The following PHF2 variants were observed in gnomAD, a reference collection of about 807,000 sequenced individuals.
The protein encoded by PHF2 is PHD finger protein 2.
PHF2 carries 27 observed loss-of-function variants against 120.5 expected under a neutral mutation model. The observed-to-expected ratio is 0.22, with a 90% confidence interval of 0.17 to 0.31. PHF2 has a LOEUF of 0.31. Ranked by LOEUF, PHF2 falls within the 10% of genes least tolerant of loss-of-function variation. The probability of loss-of-function intolerance (pLI) is 1.00; values close to 1 mark genes in which losing one functional copy is unlikely to be tolerated. For missense variants in PHF2, 1,024 were observed against 1,434.8 expected (o/e 0.71, Z 4.63); for synonymous variants, 568 against 592.5 (o/e 0.96, Z 0.60).
At position 93,654,515 on chromosome 9, in the gene PHF2, C is replaced by G; in HGVS notation, c.892C>G (p.Gln298Glu). The change falls in exon 7 of 22, where the codon CAG becomes GAG. Residue 298 changes from glutamine (Q) to glutamate (E), a missense_variant. This residue lies in a region of PHF2 where 347 missense variants were observed against 577.4 expected (regional missense o/e 0.60). Coordinates refer to ENST00000359246, the MANE Select transcript of PHF2 (RefSeq NM_005392.4). ...CCACAGCGAGATGTTCTTTGCTGAC[C>G]AGGTCGACAAATGCTACAAGTGCAT... ...SNHSEMFFAD[Q>E]VDKCYKCIVK... 1.2e-6 allele frequency: 2 copies of G among 1,614,094 alleles called. No homozygotes were observed. The highest frequency in any genetic ancestry group is 1.7e-6 in the Non-Finnish European group (2 of 1,180,032).
rs898243744 is a variant in PHF2 at position 93,630,169 on chromosome 9, C to T, written c.184+114C>T. On this transcript the variant is annotated intron_variant, in intron 2 of 21. Transcript: ENST00000359246. Reference sequence around the variant, plus strand: ...GGCCTGGGCCCTGGGTTGCTGGGGGCAAAACGCCCTGAGTAGTGTCTAGGC... The same window carrying T: ...GGCCTGGGCCCTGGGTTGCTGGGGGTAAAACGCCCTGAGTAGTGTCTAGGC... The T allele has an allele frequency of 2.8e-5, 28 of 1,004,536 alleles. No individual in the cohort carries two copies. The East Asian group carries it at 6.2e-4, about 22-fold the overall frequency. The allele number at this position is 1,004,536 out of a possible 1,614,324, so 62.2% of individuals were successfully genotyped here. A position where few individuals can be genotyped will look rare whatever the true frequency, so the allele number is the denominator to read the frequency against.
chr9:93,592,507 A>C (rs1319416239), intron 1 of PHF2, among the ~76,000 whole-genome samples: 1 of 152,158 alleles, frequency 6.6e-6, no homozygotes, highest in Admixed American at 6.5e-5. Context: ...AGAGTGTTTC[A>C]TGGCAGTTCC....
intron 17 of PHF2, among the ~76,000 whole-genome samples, chr9:93,668,449 G>C (rs1392880825): frequency 6.6e-6 from 1 of 152,108 alleles, no homozygotes; most frequent in East Asian, 1.9e-4. Flanking sequence ...GGGCAGGAGA[G>C]GCCCCTAAAC....
intron 5 of PHF2, among the ~76,000 whole-genome samples, chr9:93,651,398 C>T (rs897761251): frequency 6.6e-5 from 10 of 152,176 alleles, no homozygotes; most frequent in Non-Finnish European, 8.8e-5. Flanking sequence ...TGGCCCAGTC[C>T]GTGGATCATT....
intron 1 of PHF2, among the ~76,000 whole-genome samples, chr9:93,581,604 G>T (rs981750397): frequency 1.3e-5 from 2 of 152,204 alleles, no homozygotes; most frequent in Admixed American, 1.3e-4. Flanking sequence ...GGTGTGTCTT[G>T]AAGGAAGCAA....
Position 93,581,550 on chromosome 9 carries a change from G to A in PHF2, c.98+4679G>A, listed in dbSNP as rs149335078. On this transcript the variant is annotated intron_variant, in intron 1 of 21. Coordinates refer to ENST00000359246, the MANE Select transcript of PHF2 (RefSeq NM_005392.4). The stretch of plus-strand genomic sequence containing the variant: ...GGGAAGAATGTCAGGCCAGCTTCTA[G>A]AGGGTAAAGTAGACATCCCTCTCTG... Among the ~76,000 whole-genome samples the A allele has an allele frequency of 3.5e-4, 54 of 152,330 alleles. 3 individuals carry two copies. In the East Asian group the frequency reaches 8.7e-3, roughly 24 times the overall value.
In PHF2 at chr9:93,598,344, C is replaced by T. The variant is rs541604471; in HGVS notation, c.98+21473C>T. ...CCGTGCTGCGGGAACCCTGCCACTGCGCTTATCATCAGGACCTTGGTTCTC... is the reference window on the plus strand; with the variant it reads ...CCGTGCTGCGGGAACCCTGCCACTGTGCTTATCATCAGGACCTTGGTTCTC... On this transcript the variant is annotated intron_variant, in intron 1 of 21. Coordinates refer to ENST00000359246, the MANE Select transcript of PHF2 (RefSeq NM_005392.4). 1.1e-4 allele frequency among the ~76,000 whole-genome samples: 17 copies of T among 152,332 alleles called. No homozygotes were observed. The South Asian group carries it at 3.3e-3, about 30-fold the overall frequency.
chr9:93,649,264 T>A, intron 5 of PHF2, 52 bp downstream of exon 5: 1 of 1,487,288 alleles, frequency 6.7e-7, no homozygotes, highest in East Asian at 2.5e-5. Flanking sequence ...GCAGGGGCGC[T>A]GTGCCGTCCT....
chr9:93,613,562 T>A (rs1825673302), intron 1 of PHF2, among the ~76,000 whole-genome samples: 2 of 67,020 alleles, frequency 3.0e-5, no homozygotes, highest in Non-Finnish European at 7.3e-5. Flanking sequence ...TTCTTTTTCT[T>A]TTTTTTTTTT....
chr9:93,660,059 G>T, intron 11 of PHF2, 133 bp from the exon 12 acceptor site: 1 of 1,096,192 alleles, frequency 9.1e-7, no homozygotes, highest in Non-Finnish European at 1.3e-6. Context: ...ATGGTGTGGG[G>T]TAGCTGAGCC....
At chr9:93,666,567 A>G (rs915877997) in intron 16 of PHF2, among the ~76,000 whole-genome samples, 1 of 152,234 alleles carries the variant, frequency 6.6e-6, no homozygotes, top group Non-Finnish European at 1.5e-5. Context: ...TTGGCCATCC[A>G]GCCCGTCGGC....
intron 2 of PHF2, among the ~76,000 whole-genome samples, chr9:93,632,247 C>G (rs1186787019): frequency 1.3e-5 from 2 of 152,186 alleles, no homozygotes; most frequent in Non-Finnish European, 2.9e-5. Context: ...GCCAGCTGCC[C>G]AGGGAGAGAC....
intron 4 of PHF2, among the ~76,000 whole-genome samples, chr9:93,647,871 A>G (rs1264299894): frequency 6.6e-6 from 1 of 150,530 alleles, no homozygotes; most frequent in African/African-American, 2.4e-5. Context: ...CCTGGGCAAA[A>G]GAATGAGATT....
chr9:93,596,673 T>G (rs1181754880), intron 1 of PHF2, among the ~76,000 whole-genome samples: 2 of 152,014 alleles, frequency 1.3e-5, no homozygotes, highest in Non-Finnish European at 2.9e-5. Context: ...AGGAAGGTGT[T>G]GATGCATGCA....
chr9:93,598,785 G>A (rs1825379273), intron 1 of PHF2, among the ~76,000 whole-genome samples: 1 of 152,152 alleles, frequency 6.6e-6, no homozygotes, highest in Non-Finnish European at 1.5e-5. Context: ...GGAGGCCCTT[G>A]TTTCTTTAAA....
chr9:93,584,972 T>A (rs935550316), intron 1 of PHF2, among the ~76,000 whole-genome samples: 3 of 152,280 alleles, frequency 2.0e-5, no homozygotes, highest in Non-Finnish European at 4.4e-5. Flanking sequence ...TATTCCTAGA[T>A]GTTTTATTCT....
intron 1 of PHF2, among the ~76,000 whole-genome samples, chr9:93,618,863 TCG>T: frequency 1.8e-3 from 1 of 554 alleles, no homozygotes; most frequent in African/African-American, 7.1e-3. Context: ...TGTGTGGTGT[TCG>T]TGTGTCTCTG....
Position 93,677,696 on chromosome 9 carries a change from CTT to C in PHF2, c.*21_*22del, listed in dbSNP as rs139272538. 5,355 of 1,595,614 alleles carry C rather than the reference CTT, an allele frequency of 3.4e-3. 35 individuals are homozygous for C. The highest frequency in any genetic ancestry group is 3.1e-3 in the Non-Finnish European group (3,633 of 1,163,620). ...CTTTAAGATTTGGAAAGCCAGGATC[CTT>C]CTGCTCCGCTCAGGACCCCCGGAGC... On this transcript the variant is annotated 3_prime_UTR_variant, in exon 22 of 22. Coordinates refer to ENST00000359246, the MANE Select transcript of PHF2 (RefSeq NM_005392.4). The surrounding 1 kb of genome is among the most constrained non-coding windows in gnomAD (Gnocchi z 4.4).
At chr9:93,662,190 G>T (rs1189737321) in intron 12 of PHF2, among the ~76,000 whole-genome samples, 1 of 151,536 alleles carries the variant, frequency 6.6e-6, no homozygotes. Context: ...TGAATGAATG[G>T]GTGAGCAGAT....
Sources: allele counts gnomAD v4.1 joint callset (sites outside exome capture counted in the v4.1 genomes callset), GRCh38; gene constraint gnomAD v4.1.1; regional missense constraint gnomAD v4.1.1; non-coding constraint Gnocchi (gnomAD v3.1); transcripts MANE v1.5; gene names NCBI Gene and HGNC (gene_info 2026-07-23, HGNC 2026-07-21).